GART: variants seen among roughly 807,000 people sequenced by gnomAD.
The protein encoded by GART is trifunctional purine biosynthetic protein adenosine-3.
Under a neutral mutation model 107.2 loss-of-function variants are expected in GART, and 43 were observed. The ratio of observed to expected loss-of-function variants is 0.40; its 90% CI spans 0.31 to 0.52. The LOEUF (loss-of-function observed/expected upper bound fraction) is 0.52. Ranked by LOEUF, GART falls within the 20% of genes least tolerant of loss-of-function variation. GART has a pLI of 0.52. For missense variants in GART, 1,107 were observed against 1,206.5 expected (o/e 0.92, Z 1.22); for synonymous variants, 434 against 427.0 (o/e 1.02, Z -0.20).
intron 6 of GART, 114 bp downstream of exon 6, chr21:33,531,375 T>C: frequency 1.2e-6 from 1 of 861,842 alleles, no homozygotes; most frequent in Non-Finnish European, 1.8e-6. Context: ...TTGTAACTGC[T>C]GGGTTTATGT....
intron 16 of GART, among the ~76,000 whole-genome samples, chr21:33,515,652 CAAAAAAAAAAA>C (rs71194850): frequency 3.1e-4 from 11 of 35,882 alleles, no homozygotes; most frequent in African/African-American, 1.4e-3. Context: ...GACTCCAACT[CAAAAAAAAAAA>C]AAAAAAAAAA....
At chr21:33,541,514 TTACTC>T (rs561038491) in intron 1 of GART, among the ~76,000 whole-genome samples, 4 of 152,202 alleles carry the variant, frequency 2.6e-5, no homozygotes, top group South Asian at 2.1e-4. Flanking sequence ...AAAATTCTGT[TTACTC>T]TAGTGGATCA....
In GART at chr21:33,504,191, T is replaced by C; in HGVS notation, c.2966A>G (p.Gln989Arg). 1.2e-6 allele frequency: 2 copies of C among 1,614,208 alleles called. No individual in the cohort carries two copies. The highest frequency in any genetic ancestry group is 1.7e-6 in the Non-Finnish European group (2 of 1,180,038). ...AEHKIFPAAL[Q>R]LVASGTVQLG... ...CTGTACAGTTCCACTGGCCACCAGC[T>C]GAAGGGCTGCAGGAAATATTTTATG... The change falls in exon 22 of 22, where the codon CAG (glutamine) becomes CGG (arginine). Residue 989 changes from glutamine to arginine, a missense_variant. Physicochemically the swap from Gln to Arg is conservative, Grantham distance 43. Transcript: ENST00000381815.
At position 33,528,549 on chromosome 21, in the gene GART, A is replaced by G; in HGVS notation, c.867T>C (p.Phe289=). The change falls in exon 9 of 22, where the codon TTT becomes TTC. Residue 289 remains phenylalanine, a synonymous_variant. Coordinates refer to ENST00000381815, the MANE Select transcript of GART (RefSeq NM_000819.5). ...LTKNGPKVLE[F]NCRFGDPECQ... Reference sequence around the variant, plus strand: ...ACTCTGGATCACCAAAACGGCAATTAAACTCTAGAACTTTTGGGCCATTCT... The same window carrying G: ...ACTCTGGATCACCAAAACGGCAATTGAACTCTAGAACTTTTGGGCCATTCT... 1 of 1,610,800 alleles carries G rather than the reference A, an allele frequency of 6.2e-7. No homozygotes were observed. Among genetic ancestry groups the G allele is most frequent in the Non-Finnish European group, 8.5e-7 (1 of 1,179,186 alleles).
rs1416416158 is a variant in GART, at chr21:33,524,812, T to C, written c.1255A>G (p.Lys419Glu). Residue 419 changes from lysine to glutamate, a missense_variant, in exon 11 of 22, where the codon AAA (lysine) becomes GAA (glutamate). Coordinates refer to ENST00000381815, the MANE Select transcript of GART (RefSeq NM_000819.5). ...AIKFEGAIYR[K>E]DVGFRAIAFL... is the part of the protein sequence containing the mutation. ...GCTATGGCACGAAAGCCGACGTCTT[T>C]CCTATAAATTGCTCCCTCAAACTTT... 6.2e-7 allele frequency: 1 copy of C among 1,614,262 alleles called. No individual in the cohort carries two copies. Among genetic ancestry groups the C allele is most frequent in the African/African-American group, 1.3e-5 (1 of 75,076 alleles).
rs2084954466 is a variant in GART, at chr21:33,520,562, T to C, written c.1504A>G (p.Ile502Val). 3.1e-6 allele frequency: 5 copies of C among 1,612,980 alleles called. No individual in the cohort carries two copies. The highest frequency in any genetic ancestry group is 1.7e-6 in the Non-Finnish European group (2 of 1,179,086). The change falls in exon 14 of 22, where the codon ATT (isoleucine) becomes GTT (valine). Residue 502 changes from isoleucine (I) to valine (V), a missense_variant and splice_region_variant. By Grantham distance (29) the Ile-to-Val change is conservative (BLOSUM62 3). Coordinates refer to ENST00000381815, the MANE Select transcript of GART (RefSeq NM_000819.5). ...TCATGTTTATTGCATAGCTGGGCAA[T>C]CTATGTAAGAACAATATAAACATCC... ...GTDGVGTKLK[I>V]AQLCNKHDTI...
Position 33,521,027 on chromosome 21 carries a change from G to A in GART, c.1394-12C>T. 3 of 1,586,890 alleles carry A rather than the reference G, an allele frequency of 1.9e-6. No homozygotes were observed. The highest frequency in any genetic ancestry group is 2.2e-5 in the South Asian group (2 of 89,166). On this transcript the variant is annotated splice_polypyrimidine_tract_variant and intron_variant, in intron 12 of 21. Transcript: ENST00000381815. ...ATCAACTTTACAGCCTGTTGGAGAG[G>A]AAATTAATTACTTGCTACATTTTAA...
In GART at chr21:33,539,194, C is replaced by A. The variant is rs777891583; in HGVS notation, c.122G>T (p.Cys41Phe). 1 of 1,613,348 alleles carries A rather than the reference C, an allele frequency of 6.2e-7. No individual in the cohort carries two copies. Among genetic ancestry groups the A allele is most frequent in the South Asian group, 1.1e-5 (1 of 90,928 alleles). ...ACCGGTATTTGAAATCTTTTCAGAG[C>A]AGGCAGTGCCTGCGTTTCCTGGGGC... ...LVAPGNAGTA[C>F]SEKISNTAIS... is the part of the protein sequence containing the mutation. Residue 41 changes from cysteine to phenylalanine, a missense_variant, in exon 2 of 22, where the codon TGC becomes TTC. By Grantham distance (205) the Cys-to-Phe change is radical (BLOSUM62 -2). Transcript: ENST00000381815.
Position 33,528,618 on chromosome 21 carries a change from GA to G in GART, c.812-15del, listed in dbSNP as rs397806524. ...CATAGAGAATACCTTCATTAAAAAAGAAAAAAAAAAAAAAGAGAGAAAGAAA... is the reference window on the plus strand; with the variant it reads ...CATAGAGAATACCTTCATTAAAAAAGAAAAAAAAAAAAAGAGAGAAAGAAA... On this transcript the variant is annotated splice_polypyrimidine_tract_variant and intron_variant, in intron 8 of 21. Transcript: ENST00000381815. 26,652 of 1,031,646 alleles carry G rather than the reference GA, an allele frequency of 0.026. 1 individual carries two copies. The highest frequency in any genetic ancestry group is 0.03 in the Middle Eastern group (127 of 4,208). The allele number at this position is 1,031,646 out of a possible 1,614,324, so 63.9% of individuals were successfully genotyped here. A position where few individuals can be genotyped will look rare whatever the true frequency, so the allele number is the denominator to read the frequency against.
At position 33,530,884 on chromosome 21, in the gene GART, A is replaced by C; in HGVS notation, c.598T>G (p.Cys200Gly). The C allele has an allele frequency of 6.6e-7, 1 of 1,516,066 alleles. No homozygotes were observed. The highest frequency in any genetic ancestry group is 8.7e-7 in the Non-Finnish European group (1 of 1,145,010). 93.9% of individuals were successfully genotyped at this position (1,516,066 alleles called of 1,614,324 possible). ...EELLDGEEVS[C>G]LCFTDGKTVA... Reference sequence around the variant, plus strand: ...GTCTTGCCATCAGTGAAACACAGACACTATAAAGAAAACAAAATAGTCCAT... The same window carrying C: ...GTCTTGCCATCAGTGAAACACAGACCCTATAAAGAAAACAAAATAGTCCAT... Residue 200 changes from cysteine to glycine, a missense_variant and splice_region_variant, in exon 7 of 22, where the codon TGT becomes GGT. By Grantham distance (159) the Cys-to-Gly change is radical. Coordinates refer to ENST00000381815, the MANE Select transcript of GART (RefSeq NM_000819.5).
At chr21:33,517,880 C>T (rs2084906841) in intron 14 of GART, among the ~76,000 whole-genome samples, 2 of 152,274 alleles carry the variant, frequency 1.3e-5, no homozygotes, top group South Asian at 4.1e-4. Flanking sequence ...AGAATGAATG[C>T]TCAGTTGAAT....
chr21:33,520,337 G>A, intron 14 of GART, 27 bp downstream of exon 14: 1 of 1,600,992 alleles, frequency 6.2e-7, no homozygotes, highest in Non-Finnish European at 8.6e-7. Flanking sequence ...AGAATGACAT[G>A]TTATTGATTA....
chr21:33,519,178 C>T (rs2084926989), intron 14 of GART: 1 of 199,838 alleles, frequency 5.0e-6, no homozygotes, highest in African/African-American at 2.3e-5. Flanking sequence ...CTCAAGGGGT[C>T]CTGGGTAGAC....
chr21:33,534,527 A>G, intron 4 of GART, 52 bp downstream of exon 4: 2 of 1,599,278 alleles, frequency 1.3e-6, no homozygotes, highest in Non-Finnish European at 1.7e-6. Flanking sequence ...TGACCTGTGT[A>G]TTTAAATATC....
At chr21:33,516,942 T>C (rs2084890058) in intron 16 of GART, 47 bp downstream of exon 16, 2 of 1,533,544 alleles carry the variant, frequency 1.3e-6, no homozygotes, top group Middle Eastern at 1.7e-4. Context: ...CAATGCATTT[T>C]TTTCCTCAGC....
intron 10 of GART, 115 bp downstream of exon 10, chr21:33,528,045 TCTGAAAG>T (rs2085107205): frequency 1.2e-6 from 1 of 837,532 alleles, no homozygotes; most frequent in African/African-American, 1.7e-5. Context: ...GTTAAGACCC[TCTGAAAG>T]GTTTCTGATG....
In GART at chr21:33,528,941, G is replaced by A. The variant is rs781768283; in HGVS notation, c.724-4C>T. 1 of 1,596,134 alleles carries A rather than the reference G, an allele frequency of 6.3e-7. No individual in the cohort carries two copies. The highest frequency in any genetic ancestry group is 8.6e-7 in the Non-Finnish European group (1 of 1,163,846). On this transcript the variant is annotated splice_polypyrimidine_tract_variant and splice_region_variant and intron_variant, in intron 7 of 21. Coordinates refer to ENST00000381815, the MANE Select transcript of GART (RefSeq NM_000819.5). ...TTAGTAATAGATCATTAGAAACCTG[G>A]AGAACGTGCAGAAACAGTTAAATGT...
Position 33,505,685 on chromosome 21 carries a change from C to T in GART, c.2601G>A (p.Leu867=), listed in dbSNP as rs199813683. 32 of 1,605,554 alleles carry T rather than the reference C, an allele frequency of 2.0e-5. 1 individual carries two copies. The East Asian group carries it at 3.6e-4, about 18-fold the overall frequency. Reference sequence around the variant, plus strand: ...TGTCAAATTCTACACGATTTTTATACAGTTTATGATTAATTACCTGTAATA... The same window carrying T: ...TGTCAAATTCTACACGATTTTTATATAGTTTATGATTAATTACCTGTAATA... The part of the protein sequence containing the change: ...GIPTRVINHK[L]YKNRVEFDSA... The change falls in exon 20 of 22, where the codon CTG becomes CTA. Residue 867 remains leucine (L), a synonymous_variant. Coordinates refer to ENST00000381815, the MANE Select transcript of GART (RefSeq NM_000819.5).
chr21:33,510,995 G>C, intron 17 of GART, among the ~76,000 whole-genome samples: 1 of 152,182 alleles, frequency 6.6e-6, no homozygotes. Context: ...ATGAGGTCTT[G>C]TGTGTAGGGA....
Sources: gnomAD v4.1 joint callset for allele counts (sites outside exome capture counted in the v4.1 genomes callset) on GRCh38, gnomAD v4.1.1 for gene constraint, MANE v1.5 for transcripts, NCBI Gene and HGNC (gene_info 2026-07-23, HGNC 2026-07-21) for gene names.